DENND1A: variants seen among roughly 807,000 people sequenced by gnomAD.
DENND1A encodes DENN domain containing 1A.
DENND1A carries 51 observed loss-of-function variants against 113.7 expected under a neutral mutation model. The ratio of observed to expected loss-of-function variants is 0.45; its 90% CI spans 0.36 to 0.57. DENND1A has a LOEUF of 0.57. Among genes scored for constraint, DENND1A ranks in the 20% least tolerant of loss-of-function variants. The probability of loss-of-function intolerance (pLI) is 0.00; values close to 1 mark genes in which losing one functional copy is unlikely to be tolerated. For synonymous variants in DENND1A, 565 were observed against 570.8 expected (o/e 0.99, Z 0.14); for missense variants, 1,258 against 1,395.9 (o/e 0.90, Z 1.57).
At chr9:123,811,116 A>G (rs561803974) in intron 2 of DENND1A, among the ~76,000 whole-genome samples, 1 of 152,296 alleles carries the variant, frequency 6.6e-6, no homozygotes, top group African/African-American at 2.4e-5. Flanking sequence ...CCTGTTATGC[A>G]TTCAATCTGC....
At position 123,879,362 on chromosome 9, in the gene DENND1A, G is replaced by A. The variant is rs986816674; in HGVS notation, c.18-341C>T. On this transcript the variant is annotated intron_variant, in intron 1 of 23. Coordinates refer to ENST00000394215, the MANE Select transcript of DENND1A (RefSeq NM_001352964.2). The stretch of plus-strand genomic sequence containing the variant: ...AGCCTGGGCAATATAGCAAAACCCT[G>A]TCTCTACTAAAAATGCAAAAATCAG... Among the ~76,000 whole-genome samples, 44 of 151,884 alleles carry A rather than the reference G, an allele frequency of 2.9e-4. 1 individual carries two copies. Among genetic ancestry groups the A allele is most frequent in the African/African-American group, 1.0e-3 (42 of 41,334 alleles).
chr9:123,403,306 C>T (rs1440387626), intron 21 of DENND1A, 96 bp downstream of exon 21: 10 of 1,301,232 alleles, frequency 7.7e-6, no homozygotes, highest in Non-Finnish European at 1.1e-5. Context: ...CCGGGGAAGC[C>T]TCACAAAGGC....
intron 12 of DENND1A, among the ~76,000 whole-genome samples, chr9:123,566,817 T>G (rs2136238972): frequency 6.6e-6 from 1 of 152,276 alleles, no homozygotes; most frequent in Admixed American, 6.5e-5. Context: ...TTTTTCTATT[T>G]GTAAACCTTA....
chr9:123,639,039 TAAAAAAAAAAAA>T (rs750972974), intron 9 of DENND1A, among the ~76,000 whole-genome samples: 450 of 32,112 alleles, frequency 0.014, 8 homozygotes, highest in Non-Finnish European at 0.021. Flanking sequence ...GCATGAGTAG[TAAAAAAAAAAAA>T]AAAAAAAAAA....
chr9:123,659,893 T>A (rs114447344), intron 8 of DENND1A, among the ~76,000 whole-genome samples: 4 of 152,250 alleles, frequency 2.6e-5, no homozygotes, highest in Non-Finnish European at 4.4e-5. Flanking sequence ...ATTTCAACAC[T>A]GCTAGAGCTC....
At position 123,528,838 on chromosome 9, in the gene DENND1A, C is replaced by T. The variant is rs114873655; in HGVS notation, c.993+28732G>A. ...AAAGACACACTTCATAGTCCAGCCA[C>T]GGAGAACAACTTCAGTTTTTCCTAA... On this transcript the variant is annotated intron_variant, in intron 13 of 23. Coordinates refer to ENST00000394215, the MANE Select transcript of DENND1A (RefSeq NM_001352964.2). 6.4e-4 allele frequency among the ~76,000 whole-genome samples: 97 copies of T among 152,298 alleles called. 1 individual carries two copies. Among genetic ancestry groups the T allele is most frequent in the African/African-American group, 2.2e-3 (93 of 41,580 alleles).
At chr9:123,670,547 G>A (rs1589601375) in intron 7 of DENND1A, among the ~76,000 whole-genome samples, 1 of 152,288 alleles carries the variant, frequency 6.6e-6, no homozygotes, top group East Asian at 1.9e-4. Context: ...ACAATGACTA[G>A]GATGGAAATC....
At chr9:123,420,651 G>A (rs771276014) in intron 19 of DENND1A, among the ~76,000 whole-genome samples, 6 of 152,170 alleles carry the variant, frequency 3.9e-5, no homozygotes, top group East Asian at 1.9e-4. Context: ...ATTCTTCCCC[G>A]ATGTTGACAG....
intron 19 of DENND1A, among the ~76,000 whole-genome samples, chr9:123,429,798 T>G (rs554206893): frequency 6.6e-6 from 1 of 152,190 alleles, no homozygotes; most frequent in Non-Finnish European, 1.5e-5. Flanking sequence ...AAAAATTTCA[T>G]GACGAAAATG....
intron 2 of DENND1A, among the ~76,000 whole-genome samples, chr9:123,810,905 C>T (rs1191090940): frequency 6.6e-6 from 1 of 152,036 alleles, no homozygotes; most frequent in South Asian, 2.1e-4. Flanking sequence ...ATTACAGGCA[C>T]CTACCACCAC....
At chr9:123,618,541 A>AT (rs2060773656) in intron 10 of DENND1A, among the ~76,000 whole-genome samples, 1 of 152,186 alleles carries the variant, frequency 6.6e-6, no homozygotes, top group African/African-American at 2.4e-5. Context: ...CCCTCCCGAC[A>AT]TTAGGCAGAA....
intron 2 of DENND1A, among the ~76,000 whole-genome samples, chr9:123,866,785 G>A (rs896957002): frequency 6.6e-6 from 1 of 152,118 alleles, no homozygotes; most frequent in Non-Finnish European, 1.5e-5. Context: ...CTTAAACAAT[G>A]GGCAAACCAG....
At chr9:123,602,461 G>A (rs1044025607) in intron 11 of DENND1A, among the ~76,000 whole-genome samples, 5 of 152,174 alleles carry the variant, frequency 3.3e-5, no homozygotes, top group Admixed American at 6.5e-5. Context: ...ACCTCTCAGA[G>A]CCTCAGCTTC....
intron 21 of DENND1A, among the ~76,000 whole-genome samples, chr9:123,388,518 G>A (rs1338750687): frequency 6.6e-6 from 1 of 152,246 alleles, no homozygotes; most frequent in African/African-American, 2.4e-5. Flanking sequence ...CCGTGCGGAA[G>A]AGCTCTCGCG....
At chr9:123,408,536 G>A (rs2044063886) in intron 20 of DENND1A, among the ~76,000 whole-genome samples, 1 of 152,174 alleles carries the variant, frequency 6.6e-6, no homozygotes, top group African/African-American at 2.4e-5. Flanking sequence ...TCCTGCCTAA[G>A]GTCGCACAGC....
intron 10 of DENND1A, among the ~76,000 whole-genome samples, chr9:123,627,252 C>A (rs2061266231): frequency 6.6e-6 from 1 of 152,212 alleles, no homozygotes; most frequent in Admixed American, 6.5e-5. Context: ...GGGTCAGTGG[C>A]AAGGCCAGGG....
chr9:123,687,196 G>A (rs1640640959), intron 5 of DENND1A, among the ~76,000 whole-genome samples: 2 of 152,058 alleles, frequency 1.3e-5, no homozygotes, highest in Admixed American at 1.3e-4. Flanking sequence ...AATGTTTTAG[G>A]AGGCAGAGTT....
At chr9:123,755,998 T>C (rs35317882) in intron 5 of DENND1A, among the ~76,000 whole-genome samples, 34,219 of 152,002 alleles carry the variant, frequency 0.23, 4,854 homozygotes, top group African/African-American at 0.4. Context: ...GCAACCTCCA[T>C]GTCTCGGATT....
At chr9:123,820,252 T>A (rs150642920) in intron 2 of DENND1A, among the ~76,000 whole-genome samples, 1 of 152,340 alleles carries the variant, frequency 6.6e-6, no homozygotes, top group East Asian at 1.9e-4. Context: ...TGGAGTCTGT[T>A]TCCAGGATCC....
Sources: allele counts gnomAD v4.1 joint callset (sites outside exome capture counted in the v4.1 genomes callset), GRCh38; gene constraint gnomAD v4.1.1; transcripts MANE v1.5; gene names NCBI Gene and HGNC (gene_info 2026-07-23, HGNC 2026-07-21).